BRINP3: variants seen among roughly 807,000 people sequenced by gnomAD.
BRINP3 encodes the protein BMP/retinoic acid inducible neural specific 3, also known as BMP/retinoic acid-inducible neural-specific protein 3.
In BRINP3, 19 loss-of-function variants were observed where a neutral mutation model predicts 71.0. The ratio of observed to expected loss-of-function variants is 0.27; its 90% CI spans 0.19 to 0.39. BRINP3 has a LOEUF of 0.39. BRINP3 is among the 10% of genes least tolerant of loss of function. BRINP3 has a pLI of 1.00. For synonymous variants in BRINP3, 380 were observed against 337.7 expected (o/e 1.13, Z -1.37); for missense variants, 959 against 940.8 (o/e 1.02, Z -0.25).
At position 190,388,710 on chromosome 1, in the gene BRINP3, G is replaced by T. The variant is rs997053993; in HGVS notation, c.236+65945C>A. Among the ~76,000 whole-genome samples the T allele has an allele frequency of 9.2e-5, 14 of 151,754 alleles. 1 individual carries two copies. The highest frequency in any genetic ancestry group is 8.6e-4 in the Admixed American group (13 of 15,178). On this transcript the variant is annotated intron_variant, in intron 2 of 7. Coordinates refer to ENST00000367462, the MANE Select transcript of BRINP3 (RefSeq NM_199051.3). ...TATGTTGTTTTATGCCACCCAGTTT[G>T]TGATAATTTATTACAACATCTCTAA...
chr1:190,108,101 A>G (rs1652343779), intron 7 of BRINP3, among the ~76,000 whole-genome samples: 1 of 151,992 alleles, frequency 6.6e-6, no homozygotes, highest in Non-Finnish European at 1.5e-5. Context: ...AAAACAAAAC[A>G]AAAAACACCA....
intron 2 of BRINP3, among the ~76,000 whole-genome samples, chr1:190,445,184 C>A (rs974715537): frequency 3.3e-5 from 5 of 151,842 alleles, no homozygotes; most frequent in African/African-American, 1.2e-4. Flanking sequence ...AACCAAAAAA[C>A]TTGCTACTTC....
chr1:190,337,950 G>A (rs1482030808), intron 2 of BRINP3, among the ~76,000 whole-genome samples: 1 of 151,818 alleles, frequency 6.6e-6, no homozygotes, highest in Non-Finnish European at 1.5e-5. Context: ...ACGTGAAATG[G>A]GTCCTGTCAC....
intron 6 of BRINP3, among the ~76,000 whole-genome samples, chr1:190,194,352 A>AT (rs1187922082): frequency 6.6e-6 from 1 of 151,986 alleles, no homozygotes; most frequent in Non-Finnish European, 1.5e-5. Flanking sequence ...GTGAAAAAAT[A>AT]TTTTTTTTCA....
intron 3 of BRINP3, 102 bp from the exon 4 acceptor site, chr1:190,265,157 A>C: frequency 2.8e-6 from 3 of 1,057,916 alleles, no homozygotes; most frequent in Non-Finnish European, 2.7e-6. Context: ...TAGTAAAACA[A>C]AGGAGTGATA....
chr1:190,422,643 A>G (rs935774834), intron 2 of BRINP3, among the ~76,000 whole-genome samples: 2 of 151,830 alleles, frequency 1.3e-5, no homozygotes, highest in African/African-American at 4.8e-5. Context: ...ATCTGTAAGT[A>G]GCACATACTG....
intron 6 of BRINP3, among the ~76,000 whole-genome samples, chr1:190,177,016 T>C (rs1292450686): frequency 6.6e-6 from 1 of 152,126 alleles, no homozygotes; most frequent in East Asian, 1.9e-4. Flanking sequence ...TGGCCTCCCT[T>C]GCAAGTAATT....
chr1:190,293,593 A>G (rs1197739820), intron 2 of BRINP3, among the ~76,000 whole-genome samples: 1 of 152,158 alleles, frequency 6.6e-6, no homozygotes, highest in Non-Finnish European at 1.5e-5. Flanking sequence ...TGCCTGAATA[A>G]TCTAAACATT....
chr1:190,142,349 G>T (rs1410220140), intron 7 of BRINP3, among the ~76,000 whole-genome samples: 2 of 152,162 alleles, frequency 1.3e-5, no homozygotes, highest in African/African-American at 4.8e-5. Flanking sequence ...ATCATAATTA[G>T]TTATGTGGAA....
chr1:190,186,596 G>A lies in BRINP3; in HGVS notation c.962-25706C>T, dbSNP rs565751972. Among the ~76,000 whole-genome samples, 4 of 152,198 alleles carry A rather than the reference G, an allele frequency of 2.6e-5. No homozygotes were observed. In the East Asian group the frequency reaches 7.7e-4, roughly 29 times the overall value. The stretch of plus-strand genomic sequence containing the variant: ...TACTTTCACAGTATTCATTCATTCT[G>A]TTTCCTTTACCAGACTTAGCCTGAG... On this transcript the variant is annotated intron_variant, in intron 6 of 7. Coordinates refer to ENST00000367462, the MANE Select transcript of BRINP3 (RefSeq NM_199051.3).
intron 2 of BRINP3, among the ~76,000 whole-genome samples, chr1:190,329,821 T>A (rs143916840): frequency 6.6e-6 from 1 of 151,644 alleles, no homozygotes; most frequent in Non-Finnish European, 1.5e-5. Context: ...AGGTTAGAAA[T>A]CCAGAAATAA....
intron 2 of BRINP3, among the ~76,000 whole-genome samples, chr1:190,359,729 C>A (rs1029784043): frequency 2.6e-5 from 4 of 152,102 alleles, no homozygotes; most frequent in African/African-American, 9.7e-5. Context: ...AGATTTCACC[C>A]TATGTACTTC....
At chr1:190,308,038 T>C (rs1665240709) in intron 2 of BRINP3, among the ~76,000 whole-genome samples, 1 of 151,906 alleles carries the variant, frequency 6.6e-6, no homozygotes, top group Admixed American at 6.6e-5. Context: ...ACCTTTCTGT[T>C]TGATATGGTA....
At chr1:190,212,761 C>G (rs1161661122) in intron 6 of BRINP3, among the ~76,000 whole-genome samples, 1 of 152,056 alleles carries the variant, frequency 6.6e-6, no homozygotes, top group Non-Finnish European at 1.5e-5. Context: ...TTTCCCATTG[C>G]CTCCATTACC....
chr1:190,242,701 A>G (rs1659222094), intron 4 of BRINP3, among the ~76,000 whole-genome samples: 1 of 152,094 alleles, frequency 6.6e-6, no homozygotes. Flanking sequence ...AAATAGTGAT[A>G]CTCGAAACAT....
intron 7 of BRINP3, among the ~76,000 whole-genome samples, chr1:190,148,995 A>T (rs1302030733): frequency 6.6e-6 from 1 of 152,212 alleles, no homozygotes; most frequent in East Asian, 1.9e-4. Context: ...CTCTGCCACC[A>T]GTAGTTGAGT....
At chr1:190,343,637 A>G (rs1271915145) in intron 2 of BRINP3, among the ~76,000 whole-genome samples, 1 of 151,648 alleles carries the variant, frequency 6.6e-6, no homozygotes, top group Non-Finnish European at 1.5e-5. Flanking sequence ...TACTAGTATT[A>G]TTATATTTAA....
chr1:190,397,882 T>C (rs1406162161), intron 2 of BRINP3, among the ~76,000 whole-genome samples: 1 of 152,046 alleles, frequency 6.6e-6, no homozygotes, highest in Non-Finnish European at 1.5e-5. Context: ...GTAATTATTT[T>C]ACTCTGTGAA....
At chr1:190,414,581 G>A (rs1206978999) in intron 2 of BRINP3, among the ~76,000 whole-genome samples, 1 of 152,184 alleles carries the variant, frequency 6.6e-6, no homozygotes, top group African/African-American at 2.4e-5. Flanking sequence ...TAAGGTATCT[G>A]TTGGGCCAAT....
Sources: allele counts gnomAD v4.1 joint callset (sites outside exome capture counted in the v4.1 genomes callset), GRCh38; gene constraint gnomAD v4.1.1; transcripts MANE v1.5; gene names NCBI Gene and HGNC (gene_info 2026-07-23, HGNC 2026-07-21).